The following STAG1 variants were observed in gnomAD, a reference collection of about 807,000 sequenced individuals.
STAG1 encodes the protein STAG1 cohesin complex component, also known as cohesin subunit SA-1.
Under a neutral mutation model 170.9 loss-of-function variants are expected in STAG1, and 26 were observed. The ratio of observed to expected loss-of-function variants is 0.15; its 90% CI spans 0.11 to 0.21. STAG1 has a LOEUF of 0.21. STAG1 is among the 10% of genes least tolerant of loss of function. STAG1 has a pLI of 1.00. For synonymous variants in STAG1, 514 were observed against 497.7 expected (o/e 1.03, Z -0.44); for missense variants, 964 against 1,509.5 (o/e 0.64, Z 5.99).
At chr3:136,503,391 A>C (rs1354498466) in intron 7 of STAG1, among the ~76,000 whole-genome samples, 1 of 152,218 alleles carries the variant, frequency 6.6e-6, no homozygotes, top group African/African-American at 2.4e-5. Flanking sequence ...GTGATAATGT[A>C]CTTTTAAACG....
intron 4 of STAG1, among the ~76,000 whole-genome samples, chr3:136,580,603 G>A (rs886819276): frequency 3.5e-5 from 5 of 141,460 alleles, no homozygotes; most frequent in Admixed American, 1.5e-4. Context: ...GCGCAATCTC[G>A]GCTCACTGCA....
chr3:136,530,871 T>G (rs1935333179), intron 6 of STAG1, among the ~76,000 whole-genome samples: 1 of 152,112 alleles, frequency 6.6e-6, no homozygotes, highest in African/African-American at 2.4e-5. Context: ...TTTGGGAGGC[T>G]GAAGTTGGTG....
intron 13 of STAG1, among the ~76,000 whole-genome samples, chr3:136,454,164 C>T (rs1049599010): frequency 5.3e-5 from 8 of 151,946 alleles, no homozygotes; most frequent in African/African-American, 9.7e-5. Context: ...GCACAATCTC[C>T]GCCTCCTAGA....
At chr3:136,486,604 A>G (rs1376772462) in intron 9 of STAG1, among the ~76,000 whole-genome samples, 1 of 152,210 alleles carries the variant, frequency 6.6e-6, no homozygotes, top group Non-Finnish European at 1.5e-5. Context: ...GCTAAGTTTT[A>G]TTACACAATT....
intron 4 of STAG1, among the ~76,000 whole-genome samples, chr3:136,570,306 C>CT (rs560655175): frequency 6.6e-6 from 1 of 152,056 alleles, no homozygotes; most frequent in Non-Finnish European, 1.5e-5. Flanking sequence ...ATGATATCAT[C>CT]TTTTTTTATT....
At chr3:136,522,315 A>G (rs1022672312) in intron 6 of STAG1, among the ~76,000 whole-genome samples, 1 of 152,238 alleles carries the variant, frequency 6.6e-6, no homozygotes, top group African/African-American at 2.4e-5. Context: ...GGTAACAAAA[A>G]GCAGACACTA....
chr3:136,623,903 T>C (rs1939973668), intron 2 of STAG1, among the ~76,000 whole-genome samples: 1 of 151,902 alleles, frequency 6.6e-6, no homozygotes, highest in Admixed American at 6.6e-5. Flanking sequence ...TGAGCCGAGA[T>C]TACGCCACTG....
chr3:136,518,497 G>A, intron 7 of STAG1: 1 of 647,432 alleles, frequency 1.5e-6, no homozygotes, highest in Admixed American at 2.3e-5. Context: ...GCAAAGATGA[G>A]AACAAAATGT....
At chr3:136,745,117 C>T (rs1934870977) in intron 1 of STAG1, among the ~76,000 whole-genome samples, 1 of 152,138 alleles carries the variant, frequency 6.6e-6, no homozygotes, top group African/African-American at 2.4e-5. Context: ...GTTTTTGTAA[C>T]TGCTAGCAGA....
chr3:136,643,466 T>C (rs1940878092), intron 1 of STAG1, among the ~76,000 whole-genome samples: 1 of 152,176 alleles, frequency 6.6e-6, no homozygotes. Flanking sequence ...TTGAGGGACA[T>C]GCAAGTGTAA....
At chr3:136,698,042 A>G (rs1254785438) in intron 1 of STAG1, among the ~76,000 whole-genome samples, 1 of 152,168 alleles carries the variant, frequency 6.6e-6, no homozygotes, top group Non-Finnish European at 1.5e-5. Flanking sequence ...AAAGAAAGAA[A>G]ATCTAAGACC....
chr3:136,391,525 C>T (rs1334604659), intron 22 of STAG1, among the ~76,000 whole-genome samples: 8 of 151,988 alleles, frequency 5.3e-5, no homozygotes, highest in South Asian at 4.1e-4. Context: ...TACAGGCGCA[C>T]GCCACCATGC....
intron 1 of STAG1, among the ~76,000 whole-genome samples, chr3:136,645,319 A>G (rs758176255): frequency 1.3e-5 from 2 of 152,136 alleles, no homozygotes; most frequent in Non-Finnish European, 2.9e-5. Flanking sequence ...AACATGTGAG[A>G]GGTAGGTTTC....
chr3:136,590,651 G>T (rs143255487), intron 4 of STAG1, among the ~76,000 whole-genome samples: 20 of 152,076 alleles, frequency 1.3e-4, no homozygotes, highest in Non-Finnish European at 2.4e-4. Context: ...TCCAAATATT[G>T]GTCTAAGACA....
intron 1 of STAG1, among the ~76,000 whole-genome samples, chr3:136,656,617 T>TTGTGTGTGTGTGTG (rs71157397): frequency 0.085 from 12,150 of 143,270 alleles, 636 homozygotes; most frequent in African/African-American, 0.13. Context: ...CTGTATTTAT[T>TTGTGTGTGTGTGTG]TGTGTGTGTG....
intron 3 of STAG1, among the ~76,000 whole-genome samples, chr3:136,622,329 A>G (rs774098576): frequency 1.3e-5 from 2 of 151,896 alleles, no homozygotes; most frequent in Non-Finnish European, 2.9e-5. Flanking sequence ...TGGGGGGGAA[A>G]GAAGAAACAG....
chr3:136,512,705 A>G (rs921052681), intron 7 of STAG1, among the ~76,000 whole-genome samples: 13 of 151,562 alleles, frequency 8.6e-5, no homozygotes, highest in Admixed American at 5.3e-4. Context: ...TCCAGGGAAG[A>G]CAGTGATCAC....
chr3:136,594,862 C>A (rs1173497652), intron 4 of STAG1, among the ~76,000 whole-genome samples: 1 of 152,146 alleles, frequency 6.6e-6, no homozygotes, highest in African/African-American at 2.4e-5. Flanking sequence ...CCTTGACTTC[C>A]CGGGCTCAGG....
At chr3:136,520,401 G>T (rs1286737060) in intron 7 of STAG1, among the ~76,000 whole-genome samples, 2 of 151,936 alleles carry the variant, frequency 1.3e-5, no homozygotes, top group Non-Finnish European at 2.9e-5. Flanking sequence ...ATGAATATAG[G>T]CAAAGTTACT....
Sources: gnomAD v4.1 joint callset for allele counts (sites outside exome capture counted in the v4.1 genomes callset) on GRCh38, gnomAD v4.1.1 for gene constraint, MANE v1.5 for transcripts, NCBI Gene and HGNC (gene_info 2026-07-23, HGNC 2026-07-21) for gene names.